The following SP3 variants were observed in gnomAD, a reference collection of about 807,000 sequenced individuals.
SP3 encodes the protein transcription factor Sp3.
In SP3, 10 loss-of-function variants were observed where a neutral mutation model predicts 70.3. The observed-to-expected ratio is 0.14, with a 90% CI of 0.09 to 0.24. The LOEUF is 0.24. SP3 is among the 10% of genes least tolerant of loss of function. The pLI, the probability that SP3 is intolerant of heterozygous loss-of-function variation, is 1.00. For synonymous variants in SP3, 402 were observed against 333.5 expected, an observed-to-expected ratio of 1.21 and a Z score of -2.24; for missense variants, 825 against 914.6, an observed-to-expected ratio of 0.90 and a Z score of 1.26.
rs1364010175 is a variant in SP3, at chr2:173,965,352, C to A, written c.-181G>T. 9 of 683,178 alleles carry A rather than the reference C, an allele frequency of 1.3e-5. No homozygotes were observed. Among genetic ancestry groups the A allele is most frequent in the Non-Finnish European group, 2.2e-5 (9 of 406,820 alleles). The allele number at this position is 683,178 out of a possible 1,614,324, so 42.3% of individuals were successfully genotyped here. ...AACACAAAAGGTGGAGCCTCCAGCC[C>A]AAAAGGGGGGAAGAGGGTGACAGCC... On this transcript the variant is annotated 5_prime_UTR_variant, in exon 1 of 7. Coordinates refer to ENST00000310015, the MANE Select transcript of SP3 (RefSeq NM_003111.5).
intron 4 of SP3, among the ~76,000 whole-genome samples, chr2:173,942,459 G>C (rs1167841247): frequency 6.6e-6 from 1 of 152,138 alleles, no homozygotes. Context: ...CCAGCTACTT[G>C]GGAGGCTGAG....
intron 6 of SP3, among the ~76,000 whole-genome samples, chr2:173,911,480 A>G (rs1174713181): frequency 6.6e-6 from 1 of 152,180 alleles, no homozygotes; most frequent in African/African-American, 2.4e-5. Context: ...CAAACGGCAC[A>G]AGGTTAGGAA....
rs1023498143 is a variant in SP3, at chr2:173,903,828, CCTTT to C, written c.*6109_*6112del. Among the ~76,000 whole-genome samples the C allele has an allele frequency of 6.6e-6, 1 of 152,174 alleles. No individual in the cohort carries two copies. Among genetic ancestry groups the C allele is most frequent in the Non-Finnish European group, 1.5e-5 (1 of 68,038 alleles). On this transcript the variant is annotated 3_prime_UTR_variant, in exon 7 of 7. Coordinates refer to ENST00000310015, the MANE Select transcript of SP3 (RefSeq NM_003111.5). ...ATTCTACCAGTCTTTCAAGGCCCAC[CCTTT>C]CTGATTCATCCAAGCTATATACTAA... is the stretch of plus-strand genomic sequence containing the variant.
intron 4 of SP3, among the ~76,000 whole-genome samples, 198 bp downstream of exon 4, chr2:173,954,675 T>TTCATAATAGAAACTTCATAATAGA (rs1690821030): frequency 6.6e-6 from 1 of 152,224 alleles, no homozygotes; most frequent in Non-Finnish European, 1.5e-5. Flanking sequence ...CATGAATCCC[T>TTCATAATAGAAACTTCATAATAGA]AACTTCAAAA....
Position 173,908,005 on chromosome 2 carries a change from A to C in SP3, c.*1936T>G, listed in dbSNP as rs1213569640. ...ATGGACATCTTTACCCCCACTGTAT[A>C]CATGTGTTAAGAAACTTGATTTTTA... On this transcript the variant is annotated 3_prime_UTR_variant, in exon 7 of 7. Coordinates refer to ENST00000310015, the MANE Select transcript of SP3 (RefSeq NM_003111.5). 1 of 152,080 alleles carries C rather than the reference A, an allele frequency of 6.6e-6. No homozygotes were observed. The highest frequency in any genetic ancestry group is 1.5e-5 in the Non-Finnish European group (1 of 67,952). The allele number at this position is 152,080 out of a possible 1,614,324, so 9.4% of individuals were successfully genotyped here. A position where few individuals can be genotyped will look rare whatever the true frequency, so the allele number is the denominator to read the frequency against.
rs1690750050 is a variant in SP3 at position 173,952,748 on chromosome 2, C to CA, written c.1639+2124dup. On this transcript the variant is annotated intron_variant, in intron 4 of 6. Transcript: ENST00000310015. ...AAAGAAATGAGGTAATGACACATAC[C>CA]ATGACACAGATGAACCTTGAAAACA... Among the ~76,000 whole-genome samples, 8 of 152,168 alleles carry CA rather than the reference C, an allele frequency of 5.3e-5. No homozygotes were observed. The East Asian group carries it at 1.4e-3, about 26-fold the overall frequency.
At chr2:173,965,537 G>C, upstream of SP3, 1 of 255,840 alleles carries the variant, frequency 3.9e-6, no homozygotes, top group Non-Finnish European at 7.5e-6. Flanking sequence ...CCGTGGCAGC[G>C]TAGGTTTTCG....
intron 3 of SP3, among the ~76,000 whole-genome samples, chr2:173,961,431 A>C (rs974963274): frequency 1.3e-5 from 2 of 152,222 alleles, no homozygotes; most frequent in Non-Finnish European, 2.9e-5. Context: ...GTTTAAACAC[A>C]ACAATATATA....
At chr2:173,947,979 A>G (rs575020849) in intron 4 of SP3, among the ~76,000 whole-genome samples, 1 of 152,256 alleles carries the variant, frequency 6.6e-6, no homozygotes, top group East Asian at 1.9e-4. Context: ...ATTTTCCTGC[A>G]TCATCGTCTC....
chr2:173,964,941 C>T, intron 1 of SP3: 4 of 575,044 alleles, frequency 7.0e-6, no homozygotes, highest in East Asian at 3.4e-5. Flanking sequence ...ACCGGGCCGC[C>T]CGCCCCGGGG....
At chr2:173,951,192 C>T (rs575349138) in intron 4 of SP3, among the ~76,000 whole-genome samples, 3 of 152,302 alleles carry the variant, frequency 2.0e-5, no homozygotes, top group Non-Finnish European at 4.4e-5. Context: ...CTATAGAACG[C>T]TGTAACATTA....
At chr2:173,963,727 G>T in intron 3 of SP3, 34 bp downstream of exon 3, 3 of 891,540 alleles carry the variant, frequency 3.4e-6, no homozygotes, top group East Asian at 1.1e-4. Context: ...CGGGCGCCCG[G>T]CCTCGGCGGG....
intron 4 of SP3, among the ~76,000 whole-genome samples, chr2:173,952,246 G>A (rs550289904): frequency 6.6e-6 from 1 of 151,846 alleles, no homozygotes. Context: ...ATAACTGAGG[G>A]AAAAAAGTGG....
At chr2:173,926,530 G>T (rs949232489) in intron 4 of SP3, among the ~76,000 whole-genome samples, 6 of 152,166 alleles carry the variant, frequency 3.9e-5, no homozygotes, top group African/African-American at 1.4e-4. Context: ...TGGGCACGGT[G>T]GCTCACGCCT....
At chr2:173,927,299 G>C (rs563856758) in intron 4 of SP3, among the ~76,000 whole-genome samples, 14 of 150,724 alleles carry the variant, frequency 9.3e-5, no homozygotes, top group African/African-American at 3.4e-4. Context: ...TTTTAAGACA[G>C]GGTTCTCACT....
At chr2:173,964,113 C>A (rs911386922) in intron 2 of SP3, 5 of 349,366 alleles carry the variant, frequency 1.4e-5, no homozygotes, top group Non-Finnish European at 2.0e-5. Context: ...GGCAGGCGGG[C>A]GGCGGGCTGC....
intron 4 of SP3, among the ~76,000 whole-genome samples, chr2:173,920,987 G>C (rs926346226): frequency 6.6e-6 from 1 of 152,122 alleles, no homozygotes; most frequent in Non-Finnish European, 1.5e-5. Flanking sequence ...ACTGAGTACA[G>C]GGAGATTTCA....
At chr2:173,963,150 A>G (rs926601792) in intron 3 of SP3, 2 of 151,870 alleles carry the variant, frequency 1.3e-5, no homozygotes, top group Non-Finnish European at 2.9e-5. Context: ...AAAGGCTGCT[A>G]AATGTTTCAT....
In SP3 at chr2:173,964,494, C is replaced by A. The variant is rs1008482714; in HGVS notation, c.67G>T (p.Gly23Cys). The change falls in exon 2 of 7, where the codon GGC (glycine) becomes TGC (cysteine). Residue 23 changes from glycine to cysteine, a missense_variant. By Grantham distance (159) the Gly-to-Cys change is radical (BLOSUM62 -3). Around this residue, in one of 4 missense-constraint regions of SP3, gnomAD observed 678 missense variants for 651.6 expected, o/e 1.04. Transcript: ENST00000310015. The stretch of plus-strand genomic sequence containing the variant: ...CCGTGGCCGCCGCCGCCGCCACCGC[C>A]GCCGCCGCTATCCACGTCCAAGGCA... ...MAALDVDSGG[G>C]GGGGGGHGEY... is the part of the protein sequence containing the mutation. 4.3e-6 allele frequency: 3 copies of A among 702,580 alleles called. No individual in the cohort carries two copies. In the African/African-American group the frequency reaches 5.5e-5, roughly 13 times the overall value. 43.5% of individuals were successfully genotyped at this position (702,580 alleles called of 1,614,324 possible). A position where few individuals can be genotyped will look rare whatever the true frequency, so the allele number is the denominator to read the frequency against.
Sources: allele counts gnomAD v4.1 joint callset (sites outside exome capture counted in the v4.1 genomes callset), GRCh38; gene constraint gnomAD v4.1.1; regional missense constraint gnomAD v4.1.1; transcripts MANE v1.5; gene names NCBI Gene and HGNC (gene_info 2026-07-23, HGNC 2026-07-21).